The following CSMD1 variants were observed in gnomAD, a reference collection of about 807,000 sequenced individuals.
CSMD1 encodes CUB and sushi domain-containing protein 1.
CSMD1 carries 213 observed loss-of-function variants against 417.5 expected under a neutral mutation model. That is an observed-to-expected ratio of 0.51 (90% CI 0.46 to 0.57). CSMD1 has a LOEUF of 0.57. Among genes scored for constraint, CSMD1 ranks in the 20% least tolerant of loss-of-function variants. The pLI is 0.00. For synonymous variants in CSMD1, 2,862 were observed against 1,736.8 expected (o/e 1.65, Z -16.11); for missense variants, 6,923 against 4,529.7 (o/e 1.53, Z -15.17).
At position 4,582,877 on chromosome 8, in the gene CSMD1, C is replaced by G. The variant is rs1322750857; in HGVS notation, c.302+54465G>C. ...GCTGTGCGAGGCACTTGCGGGCCAG[C>G]TGGAGTTCCGGGTGGGCGTGGGCTT... On this transcript the variant is annotated intron_variant, in intron 2 of 69. Coordinates refer to ENST00000635120, the MANE Select transcript of CSMD1 (RefSeq NM_033225.6). Among the ~76,000 whole-genome samples the G allele has an allele frequency of 1.3e-5, 2 of 152,330 alleles. 1 individual carries two copies. The highest frequency in any genetic ancestry group is 2.9e-5 in the Non-Finnish European group (2 of 68,032).
intron 10 of CSMD1, among the ~76,000 whole-genome samples, chr8:3,523,401 G>T (rs987532131): frequency 6.6e-6 from 1 of 152,230 alleles, no homozygotes; most frequent in Non-Finnish European, 1.5e-5. Flanking sequence ...AGCTCTCAAT[G>T]AGAGATCAAA....
At chr8:3,639,031 A>G (rs750753234) in intron 7 of CSMD1, among the ~76,000 whole-genome samples, 74 of 152,322 alleles carry the variant, frequency 4.9e-4, no homozygotes, top group Non-Finnish European at 7.5e-4. Flanking sequence ...TTTGTCCCCA[A>G]TATCCTTCTT....
In CSMD1 at chr8:4,772,746, C is replaced by A. The variant is rs186705379; in HGVS notation, c.86-135188G>T. Among the ~76,000 whole-genome samples, 88 of 152,180 alleles carry A rather than the reference C, an allele frequency of 5.8e-4. No individual in the cohort carries two copies. The East Asian group carries it at 0.013, about 22-fold the overall frequency. On this transcript the variant is annotated intron_variant, in intron 1 of 69. Transcript: ENST00000635120. ...GAATTCAGATGAAGTGGATTCAGAT[C>A]CCGGAAGAACCTCTTGGCTAACAGA...
chr8:4,380,002 G>T (rs1007464786), intron 3 of CSMD1, among the ~76,000 whole-genome samples: 2 of 152,130 alleles, frequency 1.3e-5, no homozygotes, highest in African/African-American at 4.8e-5. Flanking sequence ...ATTGCAGAGA[G>T]GACTGCTGAA....
At chr8:4,749,791 T>C (rs1383334866) in intron 1 of CSMD1, among the ~76,000 whole-genome samples, 1 of 152,176 alleles carries the variant, frequency 6.6e-6, no homozygotes, top group African/African-American at 2.4e-5. Context: ...AGTCTGGGCC[T>C]GTATGACACA....
intron 7 of CSMD1, among the ~76,000 whole-genome samples, chr8:3,664,597 T>G (rs1018488585): frequency 1.3e-5 from 2 of 152,204 alleles, no homozygotes; most frequent in African/African-American, 4.8e-5. Flanking sequence ...TCCTCTGCCT[T>G]GTATTATTCT....
intron 41 of CSMD1, among the ~76,000 whole-genome samples, chr8:3,138,028 C>T (rs1334833880): frequency 6.6e-6 from 1 of 152,158 alleles, no homozygotes; most frequent in Non-Finnish European, 1.5e-5. Flanking sequence ...AGTTCGAGAC[C>T]AACCTGGCCA....
intron 3 of CSMD1, among the ~76,000 whole-genome samples, chr8:4,243,748 G>A (rs1445635837): frequency 6.6e-6 from 1 of 152,104 alleles, no homozygotes; most frequent in Non-Finnish European, 1.5e-5. Flanking sequence ...CACTCATTTT[G>A]CCGTGTCATC....
rs118143287 is a variant in CSMD1, at chr8:3,983,793, C to T, written c.818+14110G>A. ...TGCACCTCTAGAGCACGTCGCAGTT[C>T]TGATGGGGCTGTCAAATGCAGCTCC... On this transcript the variant is annotated intron_variant, in intron 5 of 69. Transcript: ENST00000635120. Among the ~76,000 whole-genome samples the T allele has an allele frequency of 4.9e-4, 74 of 152,228 alleles. No individual in the cohort carries two copies. The East Asian group carries it at 0.014, about 28-fold the overall frequency.
chr8:4,855,072 C>A (rs556915075), intron 1 of CSMD1, among the ~76,000 whole-genome samples: 1 of 152,028 alleles, frequency 6.6e-6, no homozygotes, highest in African/African-American at 2.4e-5. Flanking sequence ...GATCTGAGAA[C>A]GGGCAGACTG....
At chr8:2,952,318 T>C (rs1414612396) in intron 65 of CSMD1, among the ~76,000 whole-genome samples, 1 of 152,170 alleles carries the variant, frequency 6.6e-6, no homozygotes, top group South Asian at 2.1e-4. Context: ...TCGCAAATAA[T>C]GAGGACAAAA....
At chr8:3,139,070 G>A (rs983520846) in intron 41 of CSMD1, among the ~76,000 whole-genome samples, 2 of 152,162 alleles carry the variant, frequency 1.3e-5, no homozygotes, top group African/African-American at 4.8e-5. Flanking sequence ...TGAGATGGGG[G>A]CACTGGAGGA....
At chr8:3,573,126 G>C (rs1800010885) in intron 10 of CSMD1, among the ~76,000 whole-genome samples, 1 of 151,950 alleles carries the variant, frequency 6.6e-6, no homozygotes, top group Non-Finnish European at 1.5e-5. Context: ...GCTTGTTTCT[G>C]TTACACTACC....
At chr8:4,595,387 C>CTTTTTTTTTTTTTTTTTTT in intron 2 of CSMD1, among the ~76,000 whole-genome samples, 3 of 147,328 alleles carry the variant, frequency 2.0e-5, no homozygotes, top group Non-Finnish European at 3.0e-5. Flanking sequence ...CATTCATTTT[C>CTTTTTTTTTTTTTTTTTTT]ATTCCATCCA....
chr8:3,282,194 G>A (rs1802790940), intron 26 of CSMD1, among the ~76,000 whole-genome samples: 2 of 152,078 alleles, frequency 1.3e-5, no homozygotes, highest in African/African-American at 4.8e-5. Context: ...AAGTGAACCC[G>A]GAGAAAACTG....
At chr8:3,927,818 T>C (rs1809852468) in intron 5 of CSMD1, among the ~76,000 whole-genome samples, 1 of 152,184 alleles carries the variant, frequency 6.6e-6, no homozygotes, top group South Asian at 2.1e-4. Context: ...AATTTAAAAA[T>C]ATGTCTCTCA....
At chr8:3,331,316 G>A (rs1370890567) in intron 23 of CSMD1, among the ~76,000 whole-genome samples, 1 of 152,056 alleles carries the variant, frequency 6.6e-6, no homozygotes, top group Non-Finnish European at 1.5e-5. Context: ...GTTGATATCT[G>A]TGGTAAAGAA....
At chr8:4,264,621 T>A (rs1804118371) in intron 3 of CSMD1, among the ~76,000 whole-genome samples, 1 of 152,134 alleles carries the variant, frequency 6.6e-6, no homozygotes, top group African/African-American at 2.4e-5. Flanking sequence ...AGTAAGGGTT[T>A]CTCACCTGCT....
intron 25 of CSMD1, among the ~76,000 whole-genome samples, chr8:3,294,664 T>G (rs2117299849): frequency 6.6e-6 from 1 of 152,292 alleles, no homozygotes; most frequent in Non-Finnish European, 1.5e-5. Flanking sequence ...CTAAGACCAT[T>G]GGAAAAGCAA....
Sources: gnomAD v4.1 joint callset for allele counts (sites outside exome capture counted in the v4.1 genomes callset) on GRCh38, gnomAD v4.1.1 for gene constraint, MANE v1.5 for transcripts, NCBI Gene and HGNC (gene_info 2026-07-23, HGNC 2026-07-21) for gene names.